C4orf51: variants seen among roughly 807,000 people sequenced by gnomAD.
C4orf51 encodes the protein chromosome 4 open reading frame 51.
In C4orf51, 25 loss-of-function variants were observed where a neutral mutation model predicts 25.2. The ratio of observed to expected loss-of-function variants is 0.99; its 90% CI spans 0.72 to 1.39. The LOEUF is 1.39. C4orf51 is among the 40% of genes most tolerant of loss of function. The probability of loss-of-function intolerance (pLI) is 0.00; values close to 1 mark genes in which losing one functional copy is unlikely to be tolerated. For synonymous variants in C4orf51, 100 were observed against 84.5 expected, an observed-to-expected ratio of 1.18 and a Z score of -1.01; for missense variants, 252 against 239.6, an observed-to-expected ratio of 1.05 and a Z score of -0.34.
chr4:145,753,241 C>T (rs372842340), intron 1 of C4orf51, among the ~76,000 whole-genome samples: 36 of 150,132 alleles, frequency 2.4e-4, no homozygotes, highest in African/African-American at 7.7e-4. Flanking sequence ...TGCTTCTATT[C>T]GACCAGCTTG....
At chr4:145,760,852 G>A in intron 1 of C4orf51, 1 of 1,211,664 alleles carries the variant, frequency 8.3e-7, no homozygotes. Context: ...GATGCTGGGA[G>A]GCGCAGTCTG....
At chr4:145,688,843 A>C (rs1478109688) in intron 1 of C4orf51, among the ~76,000 whole-genome samples, 3 of 152,136 alleles carry the variant, frequency 2.0e-5, no homozygotes, top group African/African-American at 7.2e-5. Flanking sequence ...ATTTATGTGG[A>C]ACTACAAAGA....
chr4:145,699,301 C>A (rs1560829538), intron 2 of C4orf51, among the ~76,000 whole-genome samples: 1 of 96,884 alleles, frequency 1.0e-5, no homozygotes, highest in African/African-American at 4.5e-5. Context: ...GGATCAGGGA[C>A]CTCCCTTGGG....
chr4:145,783,545 G>A, the C4orf51 span, among the ~76,000 whole-genome samples: 1 of 152,198 alleles, frequency 6.6e-6, no homozygotes, highest in Non-Finnish European at 1.5e-5. Flanking sequence ...GATGAACTCT[G>A]GCAGTTGCTA....
intron 1 of C4orf51, among the ~76,000 whole-genome samples, chr4:145,748,737 G>A (rs1733513271): frequency 6.6e-6 from 1 of 152,024 alleles, no homozygotes; most frequent in African/African-American, 2.4e-5. Flanking sequence ...GTGGTTAGAG[G>A]AGATGCTTGA....
chr4:145,779,421 A>G, the C4orf51 span: 1 of 1,614,096 alleles, frequency 6.2e-7, no homozygotes, highest in South Asian at 1.1e-5. Context: ...TCGGCCAAAC[A>G]CTTTCCCACA....
intron 1 of C4orf51, among the ~76,000 whole-genome samples, chr4:145,695,976 A>C (rs549908872): frequency 6.6e-6 from 1 of 152,368 alleles, no homozygotes; most frequent in South Asian, 2.1e-4. Context: ...ACACATGGAC[A>C]TAAAGAAGGA....
chr4:145,703,308 C>A (rs960214819), intron 2 of C4orf51, among the ~76,000 whole-genome samples: 1 of 152,024 alleles, frequency 6.6e-6, no homozygotes, highest in Non-Finnish European at 1.5e-5. Flanking sequence ...TTGCGACCCC[C>A]ACTCCTGCCC....
At chr4:145,730,323 C>T (rs556726558) in intron 5 of C4orf51, among the ~76,000 whole-genome samples, 87 of 152,272 alleles carry the variant, frequency 5.7e-4, no homozygotes, top group African/African-American at 2.0e-3. Flanking sequence ...TGCCCTGCCG[C>T]ATATCCACCC....
chr4:145,739,069 GA>G (rs1732960426), intron 1 of C4orf51, among the ~76,000 whole-genome samples: 1 of 152,190 alleles, frequency 6.6e-6, no homozygotes, highest in Non-Finnish European at 1.5e-5. Context: ...TACAGAATGA[GA>G]TGGAGTTAGA....
chr4:145,754,616 A>G (rs1437558296), downstream of C4orf51, among the ~76,000 whole-genome samples: 1 of 152,240 alleles, frequency 6.6e-6, no homozygotes, highest in Non-Finnish European at 1.5e-5. Context: ...CATTCCAAGC[A>G]TGGAGAGTTA....
At chr4:145,784,787 C>T in the C4orf51 span, among the ~76,000 whole-genome samples, 1 of 152,128 alleles carries the variant, frequency 6.6e-6, no homozygotes, top group Non-Finnish European at 1.5e-5. Context: ...CATTATTTTA[C>T]ATAGCTTGAA....
At chr4:145,693,100 T>C (rs995865368) in intron 1 of C4orf51, among the ~76,000 whole-genome samples, 1 of 146,990 alleles carries the variant, frequency 6.8e-6, no homozygotes, top group Non-Finnish European at 1.5e-5. Context: ...GGCAGGGTCA[T>C]GGGACAATAG....
intron 2 of C4orf51, among the ~76,000 whole-genome samples, chr4:145,702,408 C>T (rs1419997557): frequency 1.3e-5 from 2 of 151,976 alleles, no homozygotes; most frequent in African/African-American, 4.8e-5. Context: ...TTAGACTGAC[C>T]CTGACACCCA....
At chr4:145,769,651 G>A (rs1735943176) in intron 1 of C4orf51, among the ~76,000 whole-genome samples, 1 of 152,082 alleles carries the variant, frequency 6.6e-6, no homozygotes, top group African/African-American at 2.4e-5. Context: ...GTTTTGCTAT[G>A]TCTGTGGAAA....
intron 2 of C4orf51, among the ~76,000 whole-genome samples, chr4:145,710,939 A>G (rs1731097430): frequency 6.6e-6 from 1 of 152,170 alleles, no homozygotes; most frequent in African/African-American, 2.4e-5. Flanking sequence ...TTATCTGAGG[A>G]ATTTAGAAGT....
At chr4:145,719,410 C>A (rs28649201) in intron 2 of C4orf51, among the ~76,000 whole-genome samples, 18,030 of 151,968 alleles carry the variant, frequency 0.12, 1,347 homozygotes, top group African/African-American at 0.2. Flanking sequence ...TCGAGACCAT[C>A]CTGGCTAACA....
chr4:145,745,427 GT>G (rs1269813169), intron 1 of C4orf51, among the ~76,000 whole-genome samples: 2 of 149,608 alleles, frequency 1.3e-5, no homozygotes, highest in African/African-American at 2.5e-5. Context: ...ATCTCCATGA[GT>G]TCAATTGTTT....
Position 145,732,631 on chromosome 4 carries a change from T to G in C4orf51, c.*71T>G. 1.5e-4 allele frequency: 147 copies of G among 976,526 alleles called. No homozygotes were observed. The highest frequency in any genetic ancestry group is 2.1e-4 in the Non-Finnish European group (137 of 643,400). The allele number at this position is 976,526 out of a possible 1,614,324, so 60.5% of individuals were successfully genotyped here. A position where few individuals can be genotyped will look rare whatever the true frequency, so the allele number is the denominator to read the frequency against. On this transcript the variant is annotated 3_prime_UTR_variant, in exon 6 of 6. Coordinates refer to ENST00000438731, the MANE Select transcript of C4orf51 (RefSeq NM_001080531.3). ...TAAACAACTTTGAGGTATGGGGCCC[T>G]CCCAACACCCTCCCCCCACCCGCCC...
Sources: allele counts gnomAD v4.1 joint callset (sites outside exome capture counted in the v4.1 genomes callset), GRCh38; gene constraint gnomAD v4.1.1; transcripts MANE v1.5; gene names NCBI Gene and HGNC (gene_info 2026-07-23, HGNC 2026-07-21).